FSTL5: variants seen among roughly 807,000 people sequenced by gnomAD.
FSTL5 encodes follistatin-related protein 5.
A neutral mutation model predicts 89.1 loss-of-function variants in FSTL5; 62 were observed. The ratio of observed to expected loss-of-function variants is 0.70; its 90% confidence interval spans 0.57 to 0.86. The LOEUF (loss-of-function observed/expected upper bound fraction) is 0.86. Ranked by LOEUF, FSTL5 falls within the 40% of genes least tolerant of loss-of-function variation. FSTL5 has a pLI of 0.00. For missense variants in FSTL5, 1,057 were observed against 1,001.6 expected (o/e 1.06, Z -0.75); for synonymous variants, 383 against 346.2 (o/e 1.11, Z -1.18).
chr4:162,058,639 G>C (rs1377723193), intron 2 of FSTL5, among the ~76,000 whole-genome samples: 1 of 151,908 alleles, frequency 6.6e-6, no homozygotes, highest in East Asian at 1.9e-4. Flanking sequence ...ATGTTGGCCA[G>C]GCTGGTTTCG....
At chr4:161,753,823 A>G (rs1379979976) in intron 6 of FSTL5, among the ~76,000 whole-genome samples, 1 of 152,008 alleles carries the variant, frequency 6.6e-6, no homozygotes, top group African/African-American at 2.4e-5. Context: ...CGGGTGGATT[A>G]TGAGGTCGGG....
rs552574058 is a variant in FSTL5, at chr4:161,669,591, TA to T, written c.728-13098del. ...TCTGAAACAAATGGACATTCACATT[TA>T]AAAAAAAATGACACTAGACAGAAGC... On this transcript the variant is annotated intron_variant, in intron 6 of 15. Transcript: ENST00000306100. Among the ~76,000 whole-genome samples, 1,069 of 150,816 alleles carry T rather than the reference TA, an allele frequency of 7.1e-3. 13 individuals are homozygous for T. Among genetic ancestry groups the T allele is most frequent in the African/African-American group, 0.024 (981 of 41,202 alleles).
intron 7 of FSTL5, among the ~76,000 whole-genome samples, chr4:161,630,374 CT>C (rs749777485): frequency 1.3e-5 from 2 of 152,188 alleles, no homozygotes; most frequent in Non-Finnish European, 2.9e-5. Flanking sequence ...CTATCAGCTA[CT>C]ATGGCACCTG....
At chr4:161,710,175 C>T (rs1738730504) in intron 6 of FSTL5, among the ~76,000 whole-genome samples, 1 of 152,096 alleles carries the variant, frequency 6.6e-6, no homozygotes, top group African/African-American at 2.4e-5. Context: ...ACCATGTTGC[C>T]CAGGCTAGTC....
chr4:161,429,592 T>C (rs1378454762), intron 15 of FSTL5, among the ~76,000 whole-genome samples: 2 of 152,174 alleles, frequency 1.3e-5, no homozygotes, highest in African/African-American at 2.4e-5. Flanking sequence ...TTCAGGACCT[T>C]ATCTAAGACC....
chr4:161,744,633 G>C (rs1225779732), intron 6 of FSTL5, among the ~76,000 whole-genome samples: 1 of 152,034 alleles, frequency 6.6e-6, no homozygotes, highest in Non-Finnish European at 1.5e-5. Context: ...GTCACTAAAA[G>C]GAACTTAATG....
At chr4:161,402,607 C>T (rs1283582890) in intron 15 of FSTL5, among the ~76,000 whole-genome samples, 2 of 152,152 alleles carry the variant, frequency 1.3e-5, no homozygotes, top group Non-Finnish European at 2.9e-5. Context: ...TATACATACA[C>T]TACACACTCC....
chr4:161,827,678 C>A (rs369558369), intron 4 of FSTL5, among the ~76,000 whole-genome samples: 2 of 152,094 alleles, frequency 1.3e-5, no homozygotes, highest in Admixed American at 6.5e-5. Context: ...GAGTTATGTT[C>A]CCAGGGGAAT....
intron 15 of FSTL5, among the ~76,000 whole-genome samples, chr4:161,436,708 C>T (rs1732571505): frequency 6.6e-6 from 1 of 152,150 alleles, no homozygotes; most frequent in South Asian, 2.1e-4. Flanking sequence ...TTCATCTATG[C>T]CTATGTCCCA....
intron 15 of FSTL5, among the ~76,000 whole-genome samples, chr4:161,390,489 C>A (rs1392474320): frequency 1.3e-5 from 2 of 152,116 alleles, no homozygotes; most frequent in Non-Finnish European, 2.9e-5. Flanking sequence ...AGCCAGGCAG[C>A]AATTCTTGCA....
At chr4:161,478,158 T>G (rs1729359767) in intron 13 of FSTL5, among the ~76,000 whole-genome samples, 1 of 152,110 alleles carries the variant, frequency 6.6e-6, no homozygotes, top group South Asian at 2.1e-4. Flanking sequence ...CAAGTAGTAT[T>G]ATTCACCATA....
intron 4 of FSTL5, among the ~76,000 whole-genome samples, chr4:161,784,084 T>A (rs1249643232): frequency 1.3e-5 from 2 of 151,748 alleles, no homozygotes; most frequent in African/African-American, 2.4e-5. Flanking sequence ...TACAGGCACG[T>A]GCCACCATGC....
intron 1 of FSTL5, among the ~76,000 whole-genome samples, chr4:162,120,639 G>A (rs1413294357): frequency 2.6e-5 from 4 of 151,966 alleles, no homozygotes; most frequent in African/African-American, 7.2e-5. Flanking sequence ...ACTGTGAAGT[G>A]AGTCAAAAAA....
intron 3 of FSTL5, among the ~76,000 whole-genome samples, chr4:161,939,215 CA>C (rs1218596389): frequency 6.6e-6 from 1 of 151,574 alleles, no homozygotes; most frequent in Non-Finnish European, 1.5e-5. Context: ...AAGGAAGATT[CA>C]TTTAAAAAAT....
At chr4:162,034,155 C>G (rs6855432) in intron 2 of FSTL5, among the ~76,000 whole-genome samples, 3,122 of 151,730 alleles carry the variant, frequency 0.021, 143 homozygotes, top group East Asian at 0.19. Context: ...ATATAATTCT[C>G]TAAGAAATCA....
At chr4:161,499,534 A>G (rs2126483060) in intron 12 of FSTL5, among the ~76,000 whole-genome samples, 1 of 152,188 alleles carries the variant, frequency 6.6e-6, no homozygotes, top group African/African-American at 2.4e-5. Flanking sequence ...AAAATTTGAT[A>G]TTTTCCCTTA....
intron 4 of FSTL5, among the ~76,000 whole-genome samples, chr4:161,900,082 T>C (rs567294886): frequency 6.6e-6 from 1 of 152,042 alleles, no homozygotes; most frequent in South Asian, 2.1e-4. Flanking sequence ...TAGTCCCAGC[T>C]ACACAGAAGT....
intron 3 of FSTL5, among the ~76,000 whole-genome samples, chr4:161,954,600 G>A (rs1435698362): frequency 2.0e-5 from 3 of 151,524 alleles, no homozygotes; most frequent in African/African-American, 4.8e-5. Flanking sequence ...ATTTACATGT[G>A]TATATATCCA....
Position 162,009,032 on chromosome 4 carries a change from G to A in FSTL5, c.160+24593C>T, listed in dbSNP as rs77637461. Among the ~76,000 whole-genome samples the A allele has an allele frequency of 7.0e-3, 1,061 of 152,104 alleles. 10 individuals carry two copies. The highest frequency in any genetic ancestry group is 0.024 in the African/African-American group (1,010 of 41,520). ...TCTTTGATTGACATAAGTTCCTAAC[G>A]TCCTACAAAAAGTGTCCAAAAATTA... On this transcript the variant is annotated intron_variant, in intron 3 of 15. Coordinates refer to ENST00000306100, the MANE Select transcript of FSTL5 (RefSeq NM_020116.5).
Sources: allele counts gnomAD v4.1 joint callset (sites outside exome capture counted in the v4.1 genomes callset), GRCh38; gene constraint gnomAD v4.1.1; transcripts MANE v1.5; gene names NCBI Gene and HGNC (gene_info 2026-07-23, HGNC 2026-07-21).